Variants in ZFHX3 observed in about 807,000 individuals in gnomAD.
The protein encoded by ZFHX3 is zinc finger homeobox protein 3.
A neutral mutation model predicts 279.1 loss-of-function variants in ZFHX3; 42 were observed. That is an observed-to-expected ratio of 0.15 (90% CI 0.12 to 0.19). The LOEUF is 0.19. ZFHX3 is among the 10% of genes least tolerant of loss of function. The pLI, the probability that ZFHX3 is intolerant of heterozygous loss-of-function variation, is 1.00. For synonymous variants in ZFHX3, 2,293 were observed against 1,957.8 expected, an observed-to-expected ratio of 1.17 and a Z score of -4.52; for missense variants, 4,981 against 4,754.0, an observed-to-expected ratio of 1.05 and a Z score of -1.40.
intron 5 of ZFHX3, among the ~76,000 whole-genome samples, chr16:73,240,804 T>C (rs575962873): frequency 6.6e-6 from 1 of 152,320 alleles, no homozygotes; most frequent in South Asian, 2.1e-4. Flanking sequence ...AATGAGGTAA[T>C]ACATACTATC....
intron 2 of ZFHX3, among the ~76,000 whole-genome samples, chr16:73,520,651 C>T (rs2143705592): frequency 6.6e-6 from 1 of 152,278 alleles, no homozygotes; most frequent in East Asian, 1.9e-4. Context: ...GTCTAGCAAG[C>T]ATACATAGTA....
At chr16:73,878,946 T>C (rs1005436913) in intron 1 of ZFHX3, among the ~76,000 whole-genome samples, 3 of 107,088 alleles carry the variant, frequency 2.8e-5, no homozygotes, top group Middle Eastern at 4.2e-3. Context: ...ATAAGATATA[T>C]ATATATATAT....
At chr16:73,636,746 A>G (rs913413081) in intron 2 of ZFHX3, among the ~76,000 whole-genome samples, 1 of 152,208 alleles carries the variant, frequency 6.6e-6, no homozygotes, top group African/African-American at 2.4e-5. Context: ...AGTGGAACAT[A>G]AAGGAAGGTT....
chr16:73,253,720 G>C (rs939922058), intron 5 of ZFHX3, among the ~76,000 whole-genome samples: 1 of 151,978 alleles, frequency 6.6e-6, no homozygotes, highest in East Asian at 1.9e-4. Context: ...CTCCCAAAGT[G>C]CTGGGATTAC....
chr16:73,532,201 G>C (rs2019817325), intron 2 of ZFHX3, among the ~76,000 whole-genome samples: 1 of 151,944 alleles, frequency 6.6e-6, no homozygotes, highest in Non-Finnish European at 1.5e-5. Flanking sequence ...CACGTGTTAT[G>C]GGAGGGACCC....
intron 1 of ZFHX3, among the ~76,000 whole-genome samples, chr16:73,797,807 C>CTTTTTT (rs35369374): frequency 1.3e-4 from 11 of 82,898 alleles, no homozygotes; most frequent in East Asian, 3.8e-4. Flanking sequence ...CTTCTGAAGA[C>CTTTTTT]TTTTTTTTTT....
At chr16:73,622,630 G>C (rs1323221300) in intron 2 of ZFHX3, among the ~76,000 whole-genome samples, 1 of 152,146 alleles carries the variant, frequency 6.6e-6, no homozygotes, top group Admixed American at 6.5e-5. Flanking sequence ...TACTTAAAAT[G>C]AGAAAATCAG....
chr16:73,182,206 A>G (rs1471200809), intron 5 of ZFHX3, among the ~76,000 whole-genome samples: 1 of 152,114 alleles, frequency 6.6e-6, no homozygotes, highest in Non-Finnish European at 1.5e-5. Flanking sequence ...CCTGTAATCC[A>G]AGCACTTTGG....
chr16:73,666,766 C>G (rs1445360140), intron 2 of ZFHX3, among the ~76,000 whole-genome samples: 5 of 151,840 alleles, frequency 3.3e-5, no homozygotes, highest in Non-Finnish European at 7.4e-5. Flanking sequence ...ACTCTCAAGT[C>G]AATCCATCTG....
chr16:73,423,559 CT>C (rs1465748134), intron 3 of ZFHX3, among the ~76,000 whole-genome samples: 1 of 152,080 alleles, frequency 6.6e-6, no homozygotes, highest in Non-Finnish European at 1.5e-5. Context: ...GAAAAGTTTG[CT>C]GTTAAGAGGT....
intron 5 of ZFHX3, among the ~76,000 whole-genome samples, chr16:73,183,916 T>A (rs1967854194): frequency 6.6e-6 from 1 of 152,074 alleles, no homozygotes; most frequent in African/African-American, 2.4e-5. Context: ...TGGAATATCA[T>A]GGCCTGGAGC....
intron 1 of ZFHX3, among the ~76,000 whole-genome samples, chr16:73,016,716 A>G (rs1350304227): frequency 2.0e-5 from 3 of 152,038 alleles, no homozygotes; most frequent in Non-Finnish European, 4.4e-5. Flanking sequence ...TTCTATTTGA[A>G]TGTCCATTTA....
At chr16:73,526,286 C>T (rs1287929494) in intron 2 of ZFHX3, among the ~76,000 whole-genome samples, 4 of 152,240 alleles carry the variant, frequency 2.6e-5, no homozygotes, top group East Asian at 1.9e-4. Context: ...GCTTGATTAA[C>T]GAGTGACAGG....
chr16:73,146,745 T>C (rs1377728668), intron 5 of ZFHX3, among the ~76,000 whole-genome samples: 2 of 152,116 alleles, frequency 1.3e-5, no homozygotes, highest in East Asian at 3.8e-4. Context: ...AAACTTGACC[T>C]CCCAGGCTCA....
intron 3 of ZFHX3, among the ~76,000 whole-genome samples, chr16:73,430,939 C>G (rs746556042): frequency 6.6e-6 from 1 of 152,144 alleles, no homozygotes; most frequent in Admixed American, 6.5e-5. Context: ...CAAAATGGGT[C>G]AGCTAGTGGG....
chr16:73,435,858 G>A (rs1033698143), intron 3 of ZFHX3, among the ~76,000 whole-genome samples: 7 of 152,268 alleles, frequency 4.6e-5, no homozygotes, highest in East Asian at 1.9e-4. Flanking sequence ...AAGCCTGGGC[G>A]GCCTCTGCAG....
intron 1 of ZFHX3, among the ~76,000 whole-genome samples, chr16:73,849,941 C>G (rs2142378411): frequency 6.6e-6 from 1 of 152,286 alleles, no homozygotes; most frequent in East Asian, 1.9e-4. Context: ...CCATGTTGGT[C>G]AGGCTCGTCT....
chr16:73,843,147 G>A (rs1961355090), intron 1 of ZFHX3, among the ~76,000 whole-genome samples: 1 of 152,218 alleles, frequency 6.6e-6, no homozygotes, highest in African/African-American at 2.4e-5. Flanking sequence ...CAAGACTGCA[G>A]AATAACTGGC....
intron 1 of ZFHX3, among the ~76,000 whole-genome samples, chr16:73,774,142 G>C (rs2054050857): frequency 1.3e-5 from 2 of 151,264 alleles, no homozygotes; most frequent in African/African-American, 2.4e-5. Context: ...AAAAAAAAAA[G>C]TTAAAAAGAT....
Sources: allele counts gnomAD v4.1 joint callset (sites outside exome capture counted in the v4.1 genomes callset), GRCh38; gene constraint gnomAD v4.1.1; transcripts MANE v1.5; gene names NCBI Gene and HGNC (gene_info 2026-07-23, HGNC 2026-07-21).